The following EXOC7 variants were observed in gnomAD, a reference collection of about 807,000 sequenced individuals.
EXOC7 encodes the protein exocyst complex component 7, also known as exocyst complex component Exo70.
Under a neutral mutation model 87.6 loss-of-function variants are expected in EXOC7, and 51 were observed. That is an observed-to-expected ratio of 0.58 (90% confidence interval 0.46 to 0.73). The LOEUF is 0.73. Ranked by LOEUF, EXOC7 falls within the 30% of genes least tolerant of loss-of-function variation. The pLI, the probability that EXOC7 is intolerant of heterozygous loss-of-function variation, is 0.00. For synonymous variants in EXOC7, 327 were observed against 357.1 expected (o/e 0.92, Z 0.95); for missense variants, 744 against 888.4 (o/e 0.84, Z 2.07).
Position 76,088,107 on chromosome 17 carries a change from C to T in EXOC7, c.1315G>A (p.Glu439Lys). Residue 439 changes from glutamate (E) to lysine (K), a missense_variant, in exon 11 of 19, where the codon GAG becomes AAG. Transcript: ENST00000589210. ...GTGCCGTCCTTCGGCATGTTGTACT[C>T]CTTGTCCGGGTCATTCTGTGGAAAA... ...ADNIKNDPDK[E>K]YNMPKDGTVH... 6.2e-7 allele frequency: 1 copy of T among 1,614,022 alleles called. No individual in the cohort carries two copies.
At position 76,103,361 on chromosome 17, in the gene EXOC7, C is replaced by T; in HGVS notation, c.126G>A (p.Met42Ile). 1 of 1,598,844 alleles carries T rather than the reference C, an allele frequency of 6.3e-7. No homozygotes were observed. Among genetic ancestry groups the T allele is most frequent in the South Asian group, 1.1e-5 (1 of 88,334 alleles). ...CTCCCCCAGCTGCGGGGAGACTCAC[C>T]ATGTTCTTAGTGAGCTGGTCGCTCT... ...LEKSDQLTKN[M>I]VSILSSFESR... The change falls in exon 2 of 19, where the codon ATG becomes ATA. Residue 42 changes from methionine (M) to isoleucine (I), a missense_variant and splice_region_variant. Met to Ile is a conservative substitution (Grantham distance 10, BLOSUM62 1). This residue lies in a region of EXOC7 where 512 missense variants were observed against 573.0 expected (regional missense o/e 0.89). Transcript: ENST00000589210.
chr17:76,098,122 T>G, intron 4 of EXOC7, 104 bp from the exon 5 acceptor site: 3 of 852,758 alleles, frequency 3.5e-6, no homozygotes, highest in Non-Finnish European at 5.5e-6. Flanking sequence ...TCAGGGCCTC[T>G]GCCCTTTTCT....
At chr17:76,094,607 T>C in intron 5 of EXOC7, 26 bp from the exon 6 acceptor site, 1 of 1,598,678 alleles carries the variant, frequency 6.3e-7, no homozygotes, top group Non-Finnish European at 8.5e-7. Flanking sequence ...GGGATAGAGG[T>C]ACGGCTGCCA....
At chr17:76,087,463 CCA>C in intron 12 of EXOC7, 189 bp downstream of exon 12, 1 of 602,986 alleles carries the variant, frequency 1.7e-6, no homozygotes, top group Admixed American at 2.9e-5. Flanking sequence ...GGCCAGAGGT[CCA>C]GTGTCTGGTC....
intron 4 of EXOC7, among the ~76,000 whole-genome samples, chr17:76,100,270 G>C (rs1311084934): frequency 6.6e-6 from 1 of 152,110 alleles, no homozygotes; most frequent in African/African-American, 2.4e-5. Flanking sequence ...TATTTGTGGA[G>C]ATAATGGTGA....
chr17:76,091,228 G>T lies in EXOC7; in HGVS notation c.816C>A (p.Ile272=), dbSNP rs769290492. 7 of 1,614,044 alleles carry T rather than the reference G, an allele frequency of 4.3e-6. 1 individual carries two copies. The South Asian group carries it at 7.7e-5, about 18-fold the overall frequency. ...GTTTCAGAAGGTTCTGAGCCTTACG[G>T]ATCGTCCCTGTCACCAGAGCCACAC... ...TKKPVKRPGT[I]RKAQNLLKQY... is the part of the protein sequence containing the mutation. Residue 272 remains isoleucine (I), a synonymous_variant, in exon 7 of 19, where the codon ATC becomes ATA. Transcript: ENST00000589210.
intron 4 of EXOC7, among the ~76,000 whole-genome samples, chr17:76,098,956 A>G (rs1372152912): frequency 6.6e-6 from 1 of 152,152 alleles, no homozygotes; most frequent in African/African-American, 2.4e-5. Flanking sequence ...AAAAGAAAAT[A>G]AATAAATAAA....
chr17:76,085,994 G>T, intron 13 of EXOC7, 86 bp downstream of exon 13: 1 of 1,547,894 alleles, frequency 6.5e-7, no homozygotes, highest in South Asian at 1.1e-5. Flanking sequence ...AGGGCCCTGG[G>T]AATAGCCAGA....
chr17:76,100,506 G>A (rs1020354288), intron 4 of EXOC7, among the ~76,000 whole-genome samples: 5 of 151,404 alleles, frequency 3.3e-5, no homozygotes, highest in Non-Finnish European at 7.4e-5. Flanking sequence ...GAGTGGTGGC[G>A]CACACCCTCC....
intron 6 of EXOC7, 86 bp downstream of exon 6, chr17:76,094,328 A>G: frequency 7.0e-7 from 1 of 1,435,970 alleles, no homozygotes. Flanking sequence ...GAGGGGCCTG[A>G]CGCTGCGAAC....
At chr17:76,088,408 C>T in intron 10 of EXOC7, 56 bp downstream of exon 10, 3 of 1,547,320 alleles carry the variant, frequency 1.9e-6, no homozygotes, top group Non-Finnish European at 2.7e-6. Flanking sequence ...CCCCCAGGGC[C>T]AGGTCACTGT....
Position 76,082,431 on chromosome 17 carries a change from A to G in EXOC7, c.*1217T>C. 6.4e-7 allele frequency: 1 copy of G among 1,564,666 alleles called. No individual in the cohort carries two copies. On this transcript the variant is annotated 3_prime_UTR_variant, in exon 19 of 19. Transcript: ENST00000589210. ...CGCTCATGTTGAGGGGACCTTGAAG[A>G]ACAGCTCCTTTCCCTGTATCTCTCC...
At chr17:76,086,761 G>C in intron 12 of EXOC7, 2 of 1,160,970 alleles carry the variant, frequency 1.7e-6, no homozygotes. Context: ...TCTGACTCAG[G>C]CTCCCCAGTA....
intron 11 of EXOC7, 62 bp downstream of exon 11, chr17:76,087,998 C>CCTGGGA (rs2067290688): frequency 6.3e-7 from 1 of 1,582,838 alleles, no homozygotes; most frequent in Non-Finnish European, 8.7e-7. Flanking sequence ...TCTGCCTGGC[C>CCTGGGA]CTGGGCCTGG....
intron 7 of EXOC7, chr17:76,090,261 C>A: frequency 6.6e-7 from 1 of 1,513,560 alleles, no homozygotes; most frequent in Non-Finnish European, 8.9e-7. Context: ...CAGGCAGGAG[C>A]AGGCCATCCG....
intron 18 of EXOC7, 55 bp from the exon 19 acceptor site, chr17:76,083,805 C>T (rs534049364): frequency 4.7e-5 from 74 of 1,577,370 alleles, no homozygotes; most frequent in Non-Finnish European, 6.2e-5. Flanking sequence ...CCCAGCTCCA[C>T]CCTCAGCCTA....
rs552093015 is a variant in EXOC7 at position 76,081,309 on chromosome 17, G to A, written c.*2339C>T. 2 of 1,614,064 alleles carry A rather than the reference G, an allele frequency of 1.2e-6. No homozygotes were observed. Among genetic ancestry groups the A allele is most frequent in the African/African-American group, 1.3e-5 (1 of 75,048 alleles). ...AGTTAGAGTTCCAGGCCCACGTGGT[G>A]AACGAGATTGTGAGTGTCAAGAGGG... On this transcript the variant is annotated 3_prime_UTR_variant, in exon 19 of 19. Coordinates refer to ENST00000589210, the MANE Select transcript of EXOC7 (RefSeq NM_001013839.4).
In EXOC7 at chr17:76,095,386, A is replaced by G. The variant is rs191327697; in HGVS notation, c.641-805T>C. 2.0e-5 allele frequency among the ~76,000 whole-genome samples: 3 copies of G among 151,904 alleles called. No individual in the cohort carries two copies. The East Asian group carries it at 5.8e-4, about 29-fold the overall frequency. On this transcript the variant is annotated intron_variant, in intron 5 of 18. Coordinates refer to ENST00000589210, the MANE Select transcript of EXOC7 (RefSeq NM_001013839.4). ...CGGGTTAAAGTGATTCTCCCGCCTC[A>G]GCCTCCCAAGTAGCTGGGATTACAG...
intron 4 of EXOC7, 144 bp downstream of exon 4, chr17:76,101,127 A>C (rs926614599): frequency 1.4e-5 from 18 of 1,281,432 alleles, no homozygotes; most frequent in African/African-American, 1.4e-4. Flanking sequence ...TGAAGCAGAG[A>C]TCCTAATGCC....
Sources: gnomAD v4.1 joint callset for allele counts (sites outside exome capture counted in the v4.1 genomes callset) on GRCh38, gnomAD v4.1.1 for gene constraint, gnomAD v4.1.1 regional missense constraint, MANE v1.5 for transcripts, NCBI Gene and HGNC (gene_info 2026-07-23, HGNC 2026-07-21) for gene names.